The following COPZ1 variants were observed in gnomAD, a reference collection of about 807,000 sequenced individuals.
COPZ1 encodes the protein coat protein complex I subunit zeta 1, also known as coatomer subunit zeta-1.
In COPZ1, 4 loss-of-function variants were observed where a neutral mutation model predicts 31.7. The ratio of observed to expected loss-of-function variants is 0.13; its 90% CI spans 0.06 to 0.29. The LOEUF (loss-of-function observed/expected upper bound fraction) is 0.29, where lower values mean the gene tolerates loss of function less well. Among genes scored for constraint, COPZ1 ranks in the 10% least tolerant of loss-of-function variants. COPZ1 has a pLI of 1.00. For synonymous variants in COPZ1, 74 were observed against 79.0 expected (o/e 0.94, Z 0.33); for missense variants, 156 against 211.5 (o/e 0.74, Z 1.63).
Position 54,350,591 on chromosome 12 carries a change from A to G in COPZ1, c.*68A>G. The G allele has an allele frequency of 8.0e-7, 1 of 1,243,222 alleles. No homozygotes were observed. The highest frequency in any genetic ancestry group is 1.2e-5 in the South Asian group (1 of 83,478). The allele number at this position is 1,243,222 out of a possible 1,614,324, so 77.0% of individuals were successfully genotyped here. On this transcript the variant is annotated 3_prime_UTR_variant, in exon 9 of 9. Transcript: ENST00000262061. The stretch of plus-strand genomic sequence containing the variant: ...GCATGTCTGCTGTGAATTTTCATCT[A>G]GTTCCCCAATCGATGCTCTCAGGGT...
Position 54,350,970 on chromosome 12 carries a change from C to T in COPZ1, c.*447C>T, listed in dbSNP as rs914596031. 4 of 190,152 alleles carry T rather than the reference C, an allele frequency of 2.1e-5. No individual in the cohort carries two copies. The highest frequency in any genetic ancestry group is 5.3e-5 in the Admixed American group (1 of 19,034). 11.8% of individuals were successfully genotyped at this position (190,152 alleles called of 1,614,324 possible). Reference sequence around the variant, plus strand: ...AGAAAGAGAATTCTTTTCTATAGAACGAGTGGGGGCGGGGATGGGTAGGGA... The same window carrying T: ...AGAAAGAGAATTCTTTTCTATAGAATGAGTGGGGGCGGGGATGGGTAGGGA... On this transcript the variant is annotated 3_prime_UTR_variant, in exon 9 of 9. Coordinates refer to ENST00000262061, the MANE Select transcript of COPZ1 (RefSeq NM_016057.3).
intron 1 of COPZ1, among the ~76,000 whole-genome samples, chr12:54,335,579 T>C (rs567138762): frequency 1.8e-4 from 28 of 151,912 alleles, no homozygotes; most frequent in African/African-American, 6.0e-4. Flanking sequence ...TGGCTAAGTT[T>C]TGTAATTTTG....
At chr12:54,332,649 G>A (rs1953777442) in intron 1 of COPZ1, among the ~76,000 whole-genome samples, 1 of 151,630 alleles carries the variant, frequency 6.6e-6, no homozygotes, top group Non-Finnish European at 1.5e-5. Context: ...CAGGAGAATC[G>A]CTTGAACCTG....
intron 8 of COPZ1, chr12:54,350,170 T>C: frequency 1.5e-6 from 1 of 677,348 alleles, no homozygotes; most frequent in Non-Finnish European, 2.7e-6. Context: ...CCATCTGGAT[T>C]TGTTACCCGC....
chr12:54,334,319 G>T (rs1379394189), intron 1 of COPZ1, among the ~76,000 whole-genome samples: 1 of 152,034 alleles, frequency 6.6e-6, no homozygotes, highest in Non-Finnish European at 1.5e-5. Flanking sequence ...TGCCTGAGAG[G>T]CTGAGGCAGG....
chr12:54,339,823 T>A (rs1953939413), intron 1 of COPZ1, among the ~76,000 whole-genome samples: 1 of 152,212 alleles, frequency 6.6e-6, no homozygotes, highest in Admixed American at 6.6e-5. Context: ...ATAGATCATC[T>A]TCTCACTGCT....
At chr12:54,327,994 G>T (rs1009077992) in intron 1 of COPZ1, among the ~76,000 whole-genome samples, 2 of 150,666 alleles carry the variant, frequency 1.3e-5, no homozygotes, top group African/African-American at 2.4e-5. Context: ...TCTGTCGGGC[G>T]CAGTGCAGTG....
chr12:54,326,533 C>T (rs1953647780), intron 1 of COPZ1, among the ~76,000 whole-genome samples: 1 of 149,138 alleles, frequency 6.7e-6, no homozygotes, highest in South Asian at 2.1e-4. Context: ...GCCCTCTTGT[C>T]CATATGATGC....
At chr12:54,348,944 C>T (rs536122923) in intron 7 of COPZ1, among the ~76,000 whole-genome samples, 17 of 152,068 alleles carry the variant, frequency 1.1e-4, no homozygotes, top group South Asian at 4.1e-4. Flanking sequence ...ACAAATTATA[C>T]GGGTGCAAAG....
chr12:54,342,544 C>T (rs1953988798), intron 3 of COPZ1: 5 of 503,768 alleles, frequency 9.9e-6, no homozygotes, highest in Non-Finnish European at 1.8e-5. Context: ...AATTTAATTG[C>T]AGCTCTGCTT....
intron 5 of COPZ1, among the ~76,000 whole-genome samples, chr12:54,345,733 G>A (rs1448430033): frequency 2.6e-5 from 4 of 151,986 alleles, no homozygotes; most frequent in African/African-American, 7.2e-5. Context: ...CAAGGCGGGC[G>A]GATCATGAGG....
In COPZ1 at chr12:54,343,232, T is replaced by A; in HGVS notation, c.177T>A (p.Ile59=). 5.0e-6 allele frequency: 8 copies of A among 1,613,752 alleles called. No individual in the cohort carries two copies. The highest frequency in any genetic ancestry group is 6.8e-6 in the Non-Finnish European group (8 of 1,179,664). Residue 59 remains isoleucine, a synonymous_variant, in exon 4 of 9, where the codon ATT becomes ATA. Coordinates refer to ENST00000262061, the MANE Select transcript of COPZ1 (RefSeq NM_016057.3). ...FNKTHRTDSE[I]ALLEGLTVVY... Reference sequence around the variant, plus strand: ...CTTTTTTTCCCCCACCAGGTGAAATTGCCCTCTTGGAAGGCCTGACAGTGG... The same window carrying A: ...CTTTTTTTCCCCCACCAGGTGAAATAGCCCTCTTGGAAGGCCTGACAGTGG...
intron 1 of COPZ1, chr12:54,325,447 T>G (rs1013083130): frequency 2.0e-5 from 10 of 490,246 alleles, no homozygotes; most frequent in Non-Finnish European, 3.6e-5. Flanking sequence ...CCTGTAGGCG[T>G]ACTGGATTAG....
chr12:54,345,126 C>T (rs1285793527), intron 4 of COPZ1: 1 of 217,446 alleles, frequency 4.6e-6, no homozygotes, highest in Non-Finnish European at 9.3e-6. Context: ...AAGCCTTCCT[C>T]TGACCTCAGC....
At position 54,350,704 on chromosome 12, in the gene COPZ1, A is replaced by T; in HGVS notation, c.*181A>T. The stretch of plus-strand genomic sequence containing the variant: ...CCCTACACCCTTCCTATTCTTTTTC[A>T]TTCTTCTTGCAGTTCTGGGAGTAAA... On this transcript the variant is annotated 3_prime_UTR_variant, in exon 9 of 9. Transcript: ENST00000262061. The T allele has an allele frequency of 1.6e-6, 1 of 610,520 alleles. No individual in the cohort carries two copies. The highest frequency in any genetic ancestry group is 2.7e-5 in the Admixed American group (1 of 36,884). 37.8% of individuals were successfully genotyped at this position (610,520 alleles called of 1,614,324 possible). A position where few individuals can be genotyped will look rare whatever the true frequency, so the allele number is the denominator to read the frequency against.
intron 7 of COPZ1, 92 bp downstream of exon 7, chr12:54,348,143 C>T: frequency 3.8e-6 from 4 of 1,042,954 alleles, no homozygotes; most frequent in African/African-American, 1.6e-5. Context: ...AGTTGGGGCT[C>T]ATAGGATACA....
chr12:54,347,224 C>T (rs1396988445), intron 5 of COPZ1, among the ~76,000 whole-genome samples: 1 of 152,192 alleles, frequency 6.6e-6, no homozygotes, highest in African/African-American at 2.4e-5. Flanking sequence ...GCCACATGCA[C>T]CAACCAACGG....
At chr12:54,350,283 A>C (rs1213369619) in intron 8 of COPZ1, 193 bp from the exon 9 acceptor site, 1 of 743,044 alleles carries the variant, frequency 1.3e-6, no homozygotes, top group African/African-American at 1.7e-5. Context: ...AGTGGGTTTG[A>C]ATTTTTTTGG....
Position 54,351,278 on chromosome 12 carries a change from G to C in COPZ1, c.*755G>C, listed in dbSNP as rs1346737767. On this transcript the variant is annotated 3_prime_UTR_variant, in exon 9 of 9. Coordinates refer to ENST00000262061, the MANE Select transcript of COPZ1 (RefSeq NM_016057.3). ...TACCTGTGGGATCGTTGCCTGGTTT[G>C]TCTTCTCTGTGTCCTGGAGCAAAGC... 2 of 152,190 alleles carry C rather than the reference G, an allele frequency of 1.3e-5. No individual in the cohort carries two copies. The highest frequency in any genetic ancestry group is 2.9e-5 in the Non-Finnish European group (2 of 68,060). 9.4% of individuals were successfully genotyped at this position (152,190 alleles called of 1,614,324 possible).
Sources: allele counts gnomAD v4.1 joint callset (sites outside exome capture counted in the v4.1 genomes callset), GRCh38; gene constraint gnomAD v4.1.1; transcripts MANE v1.5; gene names NCBI Gene and HGNC (gene_info 2026-07-23, HGNC 2026-07-21).